The following LPP variants were observed in gnomAD, a reference collection of about 807,000 sequenced individuals.
LPP encodes the protein lipoma-preferred partner.
A neutral mutation model predicts 60.4 loss-of-function variants in LPP; 38 were observed. That is an observed-to-expected ratio of 0.63 (90% CI 0.49 to 0.83). The LOEUF (loss-of-function observed/expected upper bound fraction) is 0.83. Among genes scored for constraint, LPP ranks in the 40% least tolerant of loss-of-function variants. The pLI is 0.00. For synonymous variants in LPP, 328 were observed against 290.8 expected, an observed-to-expected ratio of 1.13 and a Z score of -1.30; for missense variants, 902 against 783.6, an observed-to-expected ratio of 1.15 and a Z score of -1.80.
At chr3:188,530,233 G>C (rs1229383572) in intron 6 of LPP, among the ~76,000 whole-genome samples, 3 of 152,194 alleles carry the variant, frequency 2.0e-5, no homozygotes, top group Admixed American at 6.5e-5. Flanking sequence ...GAAATTTACA[G>C]GGGGATAGCA....
chr3:188,538,035 T>A (rs1402312447), intron 6 of LPP, among the ~76,000 whole-genome samples: 1 of 152,178 alleles, frequency 6.6e-6, no homozygotes, highest in Admixed American at 6.5e-5. Context: ...CCACCAGATA[T>A]CTACAAAGAG....
chr3:188,286,862 A>G (rs77998888), intron 2 of LPP, among the ~76,000 whole-genome samples: 3,151 of 152,292 alleles, frequency 0.021, 50 homozygotes, highest in Non-Finnish European at 0.033. Context: ...AGACCATGTA[A>G]GACAAAGCAC....
upstream of LPP, chr3:188,153,103 GGCTCT>G (rs1197032250): frequency 6.6e-6 from 1 of 152,250 alleles, no homozygotes; most frequent in African/African-American, 2.4e-5. Flanking sequence ...TCCAGGAACT[GGCTCT>G]GGGCCAAGAG....
intron 9 of LPP, among the ~76,000 whole-genome samples, chr3:188,787,266 T>C (rs564185686): frequency 3.9e-5 from 6 of 152,198 alleles, no homozygotes; most frequent in Non-Finnish European, 8.8e-5. Context: ...TTCAACTTCA[T>C]ATGAATCTAC....
chr3:188,673,020 A>C (rs566409661), intron 7 of LPP, among the ~76,000 whole-genome samples: 1 of 151,850 alleles, frequency 6.6e-6, no homozygotes, highest in Non-Finnish European at 1.5e-5. Flanking sequence ...AGCTATATTA[A>C]GTCCCATTTG....
intron 8 of LPP, among the ~76,000 whole-genome samples, chr3:188,743,258 G>A (rs974643344): frequency 6.6e-6 from 1 of 151,970 alleles, no homozygotes; most frequent in Non-Finnish European, 1.5e-5. Flanking sequence ...TAATTACAAT[G>A]ACAAGATCAT....
Position 188,378,514 on chromosome 3 carries a change from G to T in LPP, c.-9-27598G>T, listed in dbSNP as rs189595915. ...CATGGGCTTAGGACCCTCCGAGCCA[G>T]GTGGGGGATATAATCTCCTGATGTG... On this transcript the variant is annotated intron_variant, in intron 3 of 11. Transcript: ENST00000617246. Among the ~76,000 whole-genome samples the T allele has an allele frequency of 5.5e-3, 835 of 152,338 alleles. 9 individuals carry two copies. Among genetic ancestry groups the T allele is most frequent in the African/African-American group, 0.019 (774 of 41,588 alleles).
At chr3:188,280,535 G>A (rs1424186539) in intron 2 of LPP, among the ~76,000 whole-genome samples, 1 of 152,078 alleles carries the variant, frequency 6.6e-6, no homozygotes, top group Non-Finnish European at 1.5e-5. Context: ...CGAGGAAATA[G>A]GTATTATCAA....
intron 8 of LPP, among the ~76,000 whole-genome samples, chr3:188,735,378 T>G (rs1359854042): frequency 2.8e-5 from 4 of 140,888 alleles, no homozygotes; most frequent in African/African-American, 7.5e-5. Context: ...AAATTTTATT[T>G]TATTATTATT....
intron 8 of LPP, among the ~76,000 whole-genome samples, chr3:188,745,799 G>C (rs1487500035): frequency 6.6e-6 from 1 of 152,134 alleles, no homozygotes; most frequent in Non-Finnish European, 1.5e-5. Context: ...GATCAATAGA[G>C]CAGGATCCTC....
At chr3:188,463,548 A>G (rs771308908) in intron 4 of LPP, among the ~76,000 whole-genome samples, 3 of 151,414 alleles carry the variant, frequency 2.0e-5, no homozygotes, top group Non-Finnish European at 4.4e-5. Flanking sequence ...AATAACTTCC[A>G]CTCCCATTTC....
intron 8 of LPP, among the ~76,000 whole-genome samples, chr3:188,736,774 A>C (rs916974042): frequency 6.6e-6 from 1 of 151,884 alleles, no homozygotes; most frequent in Non-Finnish European, 1.5e-5. Context: ...TTCTATATAA[A>C]TATATATCTA....
At chr3:188,857,752 A>G (rs921700446) in intron 9 of LPP, among the ~76,000 whole-genome samples, 6 of 152,210 alleles carry the variant, frequency 3.9e-5, no homozygotes, top group African/African-American at 9.7e-5. Context: ...ATCCCAGAGT[A>G]TCATATACAC....
intron 6 of LPP, among the ~76,000 whole-genome samples, chr3:188,543,870 C>G (rs1050544428): frequency 4.6e-5 from 7 of 152,132 alleles, no homozygotes; most frequent in African/African-American, 1.7e-4. Context: ...TCTTATAAAC[C>G]TGCCGATCAC....
chr3:188,715,192 A>G (rs900238774), intron 8 of LPP, among the ~76,000 whole-genome samples: 2 of 152,028 alleles, frequency 1.3e-5, no homozygotes, highest in African/African-American at 4.8e-5. Context: ...ATCCTGGCCA[A>G]CATGGTGAAA....
At chr3:188,863,650 C>T (rs1765821130) in intron 9 of LPP, among the ~76,000 whole-genome samples, 2 of 152,218 alleles carry the variant, frequency 1.3e-5, no homozygotes, top group Non-Finnish European at 2.9e-5. Flanking sequence ...CTACATCATT[C>T]ACTAGCCTAG....
In LPP at chr3:188,586,464, A is replaced by G. The variant is rs532644976; in HGVS notation, c.430-22697A>G. On this transcript the variant is annotated intron_variant, in intron 6 of 11. Transcript: ENST00000617246. ...GGACCATGTTTAATTGATATTAGAAAGGAGTCTGGAAAACTTTGGAAAGTA... is the reference window on the plus strand; with the variant it reads ...GGACCATGTTTAATTGATATTAGAAGGGAGTCTGGAAAACTTTGGAAAGTA... 1.4e-3 allele frequency among the ~76,000 whole-genome samples: 212 copies of G among 152,332 alleles called. 1 individual carries two copies. The highest frequency in any genetic ancestry group is 2.7e-3 in the Non-Finnish European group (185 of 68,032).
chr3:188,485,829 G>T (rs1482122282), intron 5 of LPP, among the ~76,000 whole-genome samples: 6 of 143,054 alleles, frequency 4.2e-5, no homozygotes, highest in Admixed American at 3.4e-4. Context: ...ATGGTGTCTG[G>T]TAATTATTTT....
intron 9 of LPP, among the ~76,000 whole-genome samples, chr3:188,840,662 C>A (rs928213687): frequency 3.3e-5 from 5 of 152,138 alleles, no homozygotes; most frequent in Non-Finnish European, 4.4e-5. Context: ...CCTCATCTGA[C>A]TAATTTCTTT....
Sources: gnomAD v4.1 joint callset for allele counts (sites outside exome capture counted in the v4.1 genomes callset) on GRCh38, gnomAD v4.1.1 for gene constraint, MANE v1.5 for transcripts, NCBI Gene and HGNC (gene_info 2026-07-23, HGNC 2026-07-21) for gene names.